GPM6A: variants seen among roughly 807,000 people sequenced by gnomAD.
GPM6A encodes the protein glycoprotein M6A, also known as neuronal membrane glycoprotein M6-a.
Under a neutral mutation model 32.1 loss-of-function variants are expected in GPM6A, and 7 were observed. The ratio of observed to expected loss-of-function variants is 0.22; its 90% CI spans 0.12 to 0.41. The LOEUF is 0.41. Among genes scored for constraint, GPM6A ranks in the 10% least tolerant of loss-of-function variants. The pLI is 1.00. For synonymous variants in GPM6A, 130 were observed against 123.4 expected (o/e 1.05, Z -0.35); for missense variants, 235 against 347.2 (o/e 0.68, Z 2.57).
chr4:175,679,078 A>G (rs1042393436), intron 2 of GPM6A, among the ~76,000 whole-genome samples: 3 of 152,092 alleles, frequency 2.0e-5, no homozygotes, highest in African/African-American at 7.2e-5. Context: ...TCAATGATGA[A>G]CTTTGTGGGA....
At chr4:175,661,272 A>C (rs114034212) in intron 3 of GPM6A, among the ~76,000 whole-genome samples, 1 of 151,910 alleles carries the variant, frequency 6.6e-6, no homozygotes, top group Non-Finnish European at 1.5e-5. Flanking sequence ...CGTCTCTACT[A>C]AAAACATAAA....
Position 176,001,885 on chromosome 4 carries a change from A to G in GPM6A, c.-23+424T>C, listed in dbSNP as rs142525950. ...CAACTTGCTCCCCAAAGAGAACATG[A>G]AAACGTGGGAACTCGGGAGGACAGA... On this transcript the variant is annotated intron_variant, in intron 1 of 7. Coordinates refer to the GPM6A transcript ENST00000280187. Among the ~76,000 whole-genome samples, 247 of 152,312 alleles carry G rather than the reference A, an allele frequency of 1.6e-3. 1 individual carries two copies. Among genetic ancestry groups the G allele is most frequent in the Admixed American group, 0.011 (169 of 15,296 alleles).
At chr4:175,637,716 TA>T (rs1205776556) in intron 6 of GPM6A, among the ~76,000 whole-genome samples, 9 of 62,946 alleles carry the variant, frequency 1.4e-4, no homozygotes, top group South Asian at 1.3e-3. Flanking sequence ...TATATATATT[TA>T]TATATAATAT....
At chr4:175,962,658 T>C (rs1740204453) in intron 1 of GPM6A, among the ~76,000 whole-genome samples, 1 of 152,064 alleles carries the variant, frequency 6.6e-6, no homozygotes, top group African/African-American at 2.4e-5. Flanking sequence ...CTATGGCACC[T>C]ACAGCAAAGG....
intron 1 of GPM6A, among the ~76,000 whole-genome samples, chr4:175,944,941 G>A (rs1033712595): frequency 6.6e-6 from 1 of 151,944 alleles, no homozygotes; most frequent in African/African-American, 2.4e-5. Flanking sequence ...ACATTTTTTT[G>A]TTTTTTGTTT....
chr4:175,660,623 T>C (rs1742354965), intron 3 of GPM6A, among the ~76,000 whole-genome samples: 2 of 152,170 alleles, frequency 1.3e-5, no homozygotes, highest in Admixed American at 1.3e-4. Context: ...AATCACAATT[T>C]TTTAAAAAAC....
chr4:175,794,184 T>G lies in GPM6A; in HGVS notation c.37+18007A>C, dbSNP rs912750623. ...CAAAAATCTCTGGGTCTTAGCATCT[T>G]CATCCATAAAATAAGAGTAATAAAA... On this transcript the variant is annotated intron_variant, in intron 1 of 6. Transcript: ENST00000393658. Among the ~76,000 whole-genome samples the G allele has an allele frequency of 5.3e-5, 8 of 152,236 alleles. No homozygotes were observed. In the South Asian group the frequency reaches 8.3e-4, roughly 16 times the overall value.
chr4:175,727,579 T>C (rs947790469), intron 1 of GPM6A, among the ~76,000 whole-genome samples: 2 of 152,238 alleles, frequency 1.3e-5, no homozygotes, highest in Admixed American at 1.3e-4. Flanking sequence ...GCTATACTAA[T>C]GTGGTCTGAT....
chr4:175,931,467 C>T (rs1298084414), intron 1 of GPM6A, among the ~76,000 whole-genome samples: 1 of 152,008 alleles, frequency 6.6e-6, no homozygotes, highest in Non-Finnish European at 1.5e-5. Flanking sequence ...ATGACTTGTA[C>T]TTTTCTCTCT....
Position 175,760,283 on chromosome 4 carries a change from A to G in GPM6A, c.37+51908T>C, listed in dbSNP as rs562281681. ...CCATGTGTGTACTTCTGAATTTTTG[A>G]CAGTTCCCAAGTGATTCCCAAGAAT... On this transcript the variant is annotated intron_variant, in intron 1 of 6. Transcript: ENST00000393658. Among the ~76,000 whole-genome samples, 23 of 152,318 alleles carry G rather than the reference A, an allele frequency of 1.5e-4. No individual in the cohort carries two copies. In the South Asian group the frequency reaches 4.8e-3, roughly 32 times the overall value.
intron 1 of GPM6A, among the ~76,000 whole-genome samples, chr4:175,931,728 A>T (rs1267712842): frequency 6.7e-6 from 1 of 150,306 alleles, no homozygotes; most frequent in Non-Finnish European, 1.5e-5. Flanking sequence ...ATATATATAT[A>T]GCAGAATTAT....
At chr4:175,952,433 TG>T (rs1739845992) in intron 1 of GPM6A, among the ~76,000 whole-genome samples, 1 of 152,162 alleles carries the variant, frequency 6.6e-6, no homozygotes, top group Admixed American at 6.5e-5. Context: ...CCCAAAGCAA[TG>T]GAATTAACAT....
chr4:175,791,739 T>C (rs1314723008), intron 1 of GPM6A, among the ~76,000 whole-genome samples: 2 of 151,996 alleles, frequency 1.3e-5, no homozygotes, highest in Non-Finnish European at 2.9e-5. Context: ...AATAGAGACA[T>C]TCATATTTTA....
chr4:175,970,319 C>T (rs145027430), intron 1 of GPM6A, among the ~76,000 whole-genome samples: 1 of 152,118 alleles, frequency 6.6e-6, no homozygotes, highest in East Asian at 1.9e-4. Flanking sequence ...CACATGAACC[C>T]CTCACAGCAG....
chr4:175,750,860 A>T lies in GPM6A; in HGVS notation c.38-49093T>A, dbSNP rs183898034. The stretch of plus-strand genomic sequence containing the variant: ...AGTGCTGGGATTACAGGCATGAGTC[A>T]CCACGCTGAGGCTATTTTACTACAG... On this transcript the variant is annotated intron_variant, in intron 1 of 6. Coordinates refer to ENST00000393658, the MANE Select transcript of GPM6A (RefSeq NM_201591.3). 3.0e-3 allele frequency among the ~76,000 whole-genome samples: 455 copies of T among 152,316 alleles called. 3 individuals carry two copies. Among genetic ancestry groups the T allele is most frequent in the Non-Finnish European group, 5.5e-3 (373 of 68,020 alleles).
intron 2 of GPM6A, among the ~76,000 whole-genome samples, chr4:175,679,963 G>A (rs1003560526): frequency 3.9e-5 from 6 of 152,096 alleles, no homozygotes; most frequent in African/African-American, 7.2e-5. Flanking sequence ...AGAAACTCTC[G>A]TCCTATTAAA....
At chr4:175,640,593 A>G (rs1222185732) in intron 5 of GPM6A, among the ~76,000 whole-genome samples, 160 bp downstream of exon 5, 1 of 152,190 alleles carries the variant, frequency 6.6e-6, no homozygotes, top group African/African-American at 2.4e-5. Flanking sequence ...TCTAATTCCT[A>G]TTTATCCTCT....
chr4:175,911,292 T>C (rs1026935291), intron 1 of GPM6A, among the ~76,000 whole-genome samples: 1 of 152,100 alleles, frequency 6.6e-6, no homozygotes, highest in Admixed American at 6.6e-5. Flanking sequence ...ATACAAAATA[T>C]ACACTTAAAA....
chr4:175,729,350 G>C (rs1021547), intron 1 of GPM6A, among the ~76,000 whole-genome samples: 13,189 of 152,010 alleles, frequency 0.087, 861 homozygotes, highest in East Asian at 0.29. Flanking sequence ...CTCTCTCCCC[G>C]GTGGCAAGTA....
Sources: allele counts gnomAD v4.1 joint callset (sites outside exome capture counted in the v4.1 genomes callset), GRCh38; gene constraint gnomAD v4.1.1; transcripts MANE v1.5; gene names NCBI Gene and HGNC (gene_info 2026-07-23, HGNC 2026-07-21).